TFCP2L1: variants seen among roughly 807,000 people sequenced by gnomAD.
TFCP2L1 encodes the protein transcription factor CP2 like 1, also known as transcription factor CP2-like protein 1.
Under a neutral mutation model 72.2 loss-of-function variants are expected in TFCP2L1, and 12 were observed. That is an observed-to-expected ratio of 0.17 (90% CI 0.11 to 0.27). The LOEUF (loss-of-function observed/expected upper bound fraction) is 0.27, where lower values mean the gene tolerates loss of function less well. Among genes scored for constraint, TFCP2L1 ranks in the 10% least tolerant of loss-of-function variants. The probability of loss-of-function intolerance (pLI) is 1.00; values close to 1 mark genes in which losing one functional copy is unlikely to be tolerated. For missense variants in TFCP2L1, 488 were observed against 624.6 expected, an observed-to-expected ratio of 0.78 and a Z score of 2.33; for synonymous variants, 260 against 251.0, an observed-to-expected ratio of 1.04 and a Z score of -0.34.
chr2:121,236,412 A>ATGGGGACAGAAG (rs1367227605), intron 10 of TFCP2L1, among the ~76,000 whole-genome samples: 1 of 152,146 alleles, frequency 6.6e-6, no homozygotes, highest in Admixed American at 6.5e-5. Context: ...TGACCGTCTC[A>ATGGGGACAGAAG]TGGGGACAGA....
chr2:121,230,146 C>T (rs1355771578), intron 13 of TFCP2L1, among the ~76,000 whole-genome samples: 2 of 152,124 alleles, frequency 1.3e-5, no homozygotes, highest in African/African-American at 4.8e-5. Context: ...CCCACCAGCA[C>T]AGTCCTATGT....
chr2:121,275,263 AG>A (rs1687122884), intron 2 of TFCP2L1, among the ~76,000 whole-genome samples: 2 of 7,436 alleles, frequency 2.7e-4, no homozygotes, highest in African/African-American at 1.6e-3. Flanking sequence ...GGGCGCCTGT[AG>A]TCGCGGCGCC....
At chr2:121,230,633 C>T (rs1453974748) in intron 13 of TFCP2L1, among the ~76,000 whole-genome samples, 3 of 151,040 alleles carry the variant, frequency 2.0e-5, no homozygotes, top group Non-Finnish European at 4.4e-5. Flanking sequence ...ATTAGGCAGG[C>T]GTGGTGGTGA....
At chr2:121,254,534 C>G (rs146078641) in intron 2 of TFCP2L1, among the ~76,000 whole-genome samples, 121 of 152,302 alleles carry the variant, frequency 7.9e-4, no homozygotes, top group African/African-American at 2.9e-3. Context: ...CCTGTAATCC[C>G]AGCAAGGGAT....
At chr2:121,242,492 A>T in intron 6 of TFCP2L1, 23 bp from the exon 7 acceptor site, 1 of 1,611,372 alleles carries the variant, frequency 6.2e-7, no homozygotes, top group Non-Finnish European at 8.5e-7. Flanking sequence ...TACAGAGTCC[A>T]ATCAGCCCAA....
At chr2:121,245,668 G>A (rs916325752) in intron 6 of TFCP2L1, among the ~76,000 whole-genome samples, 2 of 152,198 alleles carry the variant, frequency 1.3e-5, no homozygotes, top group African/African-American at 2.4e-5. Context: ...GCTCATCCTC[G>A]GCTTCCTCTA....
At chr2:121,227,055 C>G (rs2104657971) in intron 13 of TFCP2L1, among the ~76,000 whole-genome samples, 1 of 152,312 alleles carries the variant, frequency 6.6e-6, no homozygotes, top group East Asian at 1.9e-4. Context: ...TGAGCGCCAG[C>G]TGTATACTTC....
At chr2:121,281,402 T>G in intron 1 of TFCP2L1, 131 bp from the exon 2 acceptor site, 1 of 979,302 alleles carries the variant, frequency 1.0e-6, no homozygotes, top group Non-Finnish European at 1.5e-6. Context: ...CGCAGGGTGC[T>G]GGCTGCACTC....
At position 121,230,896 on chromosome 2, in the gene TFCP2L1, C is replaced by T. The variant is rs973761078; in HGVS notation, c.1341+930G>A. ...TTCAAGACCAGCCTGGGCAATGCAG[C>T]GAGACCCTGTCTCAATTCTTTTTAA... On this transcript the variant is annotated intron_variant, in intron 13 of 14. Coordinates refer to ENST00000263707, the MANE Select transcript of TFCP2L1 (RefSeq NM_014553.3). Among the ~76,000 whole-genome samples, 7 of 152,236 alleles carry T rather than the reference C, an allele frequency of 4.6e-5. No homozygotes were observed. In the South Asian group the frequency reaches 8.3e-4, roughly 18 times the overall value.
At chr2:121,259,590 A>G (rs1418364314) in intron 2 of TFCP2L1, among the ~76,000 whole-genome samples, 1 of 152,248 alleles carries the variant, frequency 6.6e-6, no homozygotes, top group Non-Finnish European at 1.5e-5. Flanking sequence ...ATTAGAAGTT[A>G]AAAAATAATT....
chr2:121,263,499 TACAAAC>T (rs1686866461), intron 2 of TFCP2L1, among the ~76,000 whole-genome samples: 1 of 122,694 alleles, frequency 8.2e-6, no homozygotes, highest in Non-Finnish European at 1.7e-5. Context: ...AAAAAGGGCA[TACAAAC>T]ACATGAAGAT....
At chr2:121,248,071 A>C in intron 5 of TFCP2L1, 93 bp downstream of exon 5, 1 of 1,026,146 alleles carries the variant, frequency 9.7e-7, no homozygotes, top group Non-Finnish European at 1.4e-6. Context: ...AAGCTCATCC[A>C]GACCCTCCCA....
intron 13 of TFCP2L1, 58 bp downstream of exon 13, chr2:121,231,768 G>A (rs1342566064): frequency 6.3e-7 from 1 of 1,590,736 alleles, no homozygotes; most frequent in East Asian, 2.3e-5. Flanking sequence ...CAGGGGTTCT[G>A]ACACTCCTCC....
chr2:121,268,835 C>T (rs1686985963), intron 2 of TFCP2L1, among the ~76,000 whole-genome samples: 1 of 149,486 alleles, frequency 6.7e-6, no homozygotes, highest in Non-Finnish European at 1.5e-5. Flanking sequence ...CCTTTCACGG[C>T]CATACAGAAG....
chr2:121,257,818 ACTTC>A (rs1288775276), intron 2 of TFCP2L1, among the ~76,000 whole-genome samples: 2 of 152,072 alleles, frequency 1.3e-5, no homozygotes, highest in Non-Finnish European at 2.9e-5. Context: ...CTTCCTGTGG[ACTTC>A]CTTCCTTCCT....
intron 1 of TFCP2L1, among the ~76,000 whole-genome samples, chr2:121,281,986 CA>C (rs1469223367): frequency 3.3e-5 from 5 of 151,826 alleles, no homozygotes; most frequent in Non-Finnish European, 4.4e-5. Flanking sequence ...GGCTGGAGTG[CA>C]AGTGGCGTGA....
At chr2:121,231,091 C>T (rs891295124) in intron 13 of TFCP2L1, among the ~76,000 whole-genome samples, 4 of 152,064 alleles carry the variant, frequency 2.6e-5, no homozygotes, top group African/African-American at 4.8e-5. Context: ...GCCTCAGGCC[C>T]GCATCTGTGA....
At chr2:121,253,267 G>A (rs1368322417) in intron 2 of TFCP2L1, among the ~76,000 whole-genome samples, 1 of 152,188 alleles carries the variant, frequency 6.6e-6, no homozygotes, top group African/African-American at 2.4e-5. Flanking sequence ...CGCGCTGGAC[G>A]CCTTTCCCAT....
At chr2:121,255,252 C>T (rs569530798) in intron 2 of TFCP2L1, among the ~76,000 whole-genome samples, 46 of 152,208 alleles carry the variant, frequency 3.0e-4, no homozygotes, top group Non-Finnish European at 5.9e-4. Context: ...CAGCGTAACT[C>T]CCCAAGTTAA....
Sources: allele counts gnomAD v4.1 joint callset (sites outside exome capture counted in the v4.1 genomes callset), GRCh38; gene constraint gnomAD v4.1.1; transcripts MANE v1.5; gene names NCBI Gene and HGNC (gene_info 2026-07-23, HGNC 2026-07-21).